Variants in NARF observed in about 807,000 individuals in gnomAD.
NARF encodes the protein nuclear prelamin A recognition factor, also known as iron-only hydrogenase-like protein 2.
NARF carries 41 observed loss-of-function variants against 48.0 expected under a neutral mutation model. The observed-to-expected ratio is 0.85, with a 90% CI of 0.66 to 1.11. The LOEUF (loss-of-function observed/expected upper bound fraction) is 1.11. NARF is among the 50% of genes least tolerant of loss of function. The pLI is 0.00. For missense variants in NARF, 613 were observed against 590.2 expected (o/e 1.04, Z -0.40); for synonymous variants, 215 against 225.5 (o/e 0.95, Z 0.42).
Position 82,460,021 on chromosome 17 carries a change from C to T in NARF, c.57C>T (p.Asp19=). The T allele has an allele frequency of 6.2e-7, 1 of 1,613,692 alleles. No individual in the cohort carries two copies. Among genetic ancestry groups the T allele is most frequent in the African/African-American group, 1.3e-5 (1 of 74,988 alleles). ...KECSKKTKTD[D]QENVSADAPS... is the part of the protein sequence containing the mutation. Reference sequence around the variant, plus strand: ...GTAGTAAGAAAACAAAAACTGATGACCAAGAGAATGTGTCAGCCGATGCAC... The same window carrying T: ...GTAGTAAGAAAACAAAAACTGATGATCAAGAGAATGTGTCAGCCGATGCAC... Residue 19 remains aspartate, a synonymous_variant, in exon 2 of 11, where the codon GAC becomes GAT. Transcript: ENST00000309794.
At chr17:82,480,949 AG>A (rs5822534) in intron 6 of NARF, 132 bp from the exon 7 acceptor site, 54,929 of 924,234 alleles carry the variant, frequency 0.059, 1,372 homozygotes, top group Admixed American at 0.13. Context: ...AAAAAAAAAA[AG>A]AGTGCAGCAT....
chr17:82,466,860 C>T (rs2043582237), intron 3 of NARF, among the ~76,000 whole-genome samples: 1 of 151,776 alleles, frequency 6.6e-6, no homozygotes, highest in Admixed American at 6.6e-5. Context: ...GATAGATGTG[C>T]ATCCATTTGT....
At position 82,484,592 on chromosome 17, in the gene NARF, G is replaced by A. The variant is rs140972386; in HGVS notation, c.834-221G>A. The A allele has an allele frequency of 2.0e-4, 92 of 458,908 alleles. 2 individuals are homozygous for A. The Admixed American group carries it at 2.6e-3, about 13-fold the overall frequency. 28.4% of individuals were successfully genotyped at this position (458,908 alleles called of 1,614,324 possible). A position where few individuals can be genotyped will look rare whatever the true frequency, so the allele number is the denominator to read the frequency against. ...GCAAGAGCCTGTGCATGGGCTCGGC[G>A]TGACTGAGAGTCCTCCGCCTTGCCC... On this transcript the variant is annotated intron_variant, in intron 8 of 10. Coordinates refer to ENST00000309794, the MANE Select transcript of NARF (RefSeq NM_012336.4).
Position 82,483,757 on chromosome 17 carries a change from A to G in NARF, c.811A>G (p.Arg271Gly). The change falls in exon 8 of 11, where the codon AGA (arginine) becomes GGA (glycine). Residue 271 changes from arginine (R) to glycine (G), a missense_variant. Arg to Gly is a moderately radical substitution (Grantham distance 125). Transcript: ENST00000309794. ...AATGGAGCAAGGTGACCTCTCAGTG[A>G]GAGATGCTGCCGTCGACACTCTGTA... Reference protein sequence around the residue: ...QIMEQGDLSVRDAAVDTLFGD... With the variant: ...QIMEQGDLSVGDAAVDTLFGD... 1 of 1,613,822 alleles carries G rather than the reference A, an allele frequency of 6.2e-7. No homozygotes were observed. Among genetic ancestry groups the G allele is most frequent in the Non-Finnish European group, 8.5e-7 (1 of 1,179,986 alleles).
At chr17:82,480,876 G>T in intron 6 of NARF, 1 of 614,354 alleles carries the variant, frequency 1.6e-6, no homozygotes, top group South Asian at 2.0e-5. Flanking sequence ...AGTTTGCAGT[G>T]AGCTGAGATC....
At chr17:82,461,677 T>C (rs1388515788) in intron 2 of NARF, among the ~76,000 whole-genome samples, 1 of 152,246 alleles carries the variant, frequency 6.6e-6, no homozygotes, top group East Asian at 1.9e-4. Flanking sequence ...CATGTAAGCC[T>C]GGCCATTATC....
intron 4 of NARF, among the ~76,000 whole-genome samples, chr17:82,471,161 G>C (rs7213659): frequency 0.47 from 65,530 of 138,118 alleles, 15,799 homozygotes; most frequent in East Asian, 0.9. Flanking sequence ...ATGACTGTCT[G>C]AAAAAAAAAA....
intron 2 of NARF, chr17:82,464,025 G>C: frequency 2.4e-6 from 1 of 417,404 alleles, no homozygotes; most frequent in South Asian, 4.2e-5. Flanking sequence ...ACGTGACAGT[G>C]CTAGGGCTGG....
chr17:82,469,592 GTTGTTTGTTTGT>G (rs567739106), intron 4 of NARF, among the ~76,000 whole-genome samples: 2 of 151,728 alleles, frequency 1.3e-5, no homozygotes, highest in African/African-American at 2.4e-5. Flanking sequence ...GGTTTTTTTT[GTTGTTTGTTTGT>G]TTGTTTGTTT....
chr17:82,482,084 G>A, intron 7 of NARF: 2 of 297,276 alleles, frequency 6.7e-6, no homozygotes, highest in Non-Finnish European at 1.3e-5. Flanking sequence ...GACATCAGTT[G>A]GTGGGGGAAG....
At chr17:82,465,125 A>G (rs1371519495) in intron 3 of NARF, among the ~76,000 whole-genome samples, 1 of 152,152 alleles carries the variant, frequency 6.6e-6, no homozygotes, top group East Asian at 1.9e-4. Context: ...ACGTGGCAGC[A>G]GGAGAGAGCA....
intron 5 of NARF, 181 bp from the exon 6 acceptor site, chr17:82,478,619 C>A (rs986661581): frequency 4.4e-6 from 3 of 688,708 alleles, no homozygotes; most frequent in Non-Finnish European, 7.9e-6. Context: ...TTCCCATGAC[C>A]CACAGCCGGG....
chr17:82,481,005 C>G lies in NARF; in HGVS notation c.640-77C>G, dbSNP rs180776174. 1.0e-5 allele frequency: 16 copies of G among 1,588,584 alleles called. No individual in the cohort carries two copies. In the African/African-American group the frequency reaches 1.5e-4, roughly 15 times the overall value. ...AGCAGGGGGCATTCGGTCTCCCATC[C>G]CTCTTGTTCTGGGCACCAAGCGTAA... On this transcript the variant is annotated intron_variant, in intron 6 of 10. Transcript: ENST00000309794.
chr17:82,485,525 G>T lies in NARF; in HGVS notation c.1000G>T (p.Glu334Ter). 1 of 1,614,260 alleles carries T rather than the reference G, an allele frequency of 6.2e-7. No homozygotes were observed. The highest frequency in any genetic ancestry group is 8.5e-7 in the Non-Finnish European group (1 of 1,180,054). Residue 334 changes from glutamate to a stop codon, truncating the protein, a stop_gained, in exon 10 of 11, where the codon GAG becomes TAG. Transcript: ENST00000309794. LOFTEE classifies it high-confidence loss of function. ...CAAAGACTTCCAAGAGGTCACCCTT[G>T]AGAAGAACGGAGAGGTGGTGTTACG... Reference protein sequence around the residue: ...RNKDFQEVTLEKNGEVVLRFA... With the variant: ...RNKDFQEVTL
chr17:82,487,520 G>A (rs2143974255), intron 10 of NARF, among the ~76,000 whole-genome samples: 1 of 151,906 alleles, frequency 6.6e-6, no homozygotes, highest in African/African-American at 2.4e-5. Context: ...GGCACACGGG[G>A]CTGTGAGTCT....
intron 5 of NARF, among the ~76,000 whole-genome samples, chr17:82,474,739 C>T (rs1458773237): frequency 1.3e-5 from 2 of 152,154 alleles, no homozygotes; most frequent in Admixed American, 1.3e-4. Flanking sequence ...TACTCTCTAG[C>T]CATTTATAAA....
chr17:82,480,337 C>T (rs949995797), intron 6 of NARF: 2 of 401,420 alleles, frequency 5.0e-6, no homozygotes, highest in Admixed American at 8.8e-5. Flanking sequence ...TGCAATGGCT[C>T]CATGCTGGAC....
intron 5 of NARF, among the ~76,000 whole-genome samples, chr17:82,474,114 G>A (rs2043778690): frequency 6.6e-6 from 1 of 152,196 alleles, no homozygotes. Context: ...CAAGGAGTTA[G>A]AGGCTGCAGT....
At chr17:82,471,567 C>T (rs1208934634) in intron 4 of NARF, among the ~76,000 whole-genome samples, 43 of 148,836 alleles carry the variant, frequency 2.9e-4, no homozygotes, top group African/African-American at 9.9e-4. Flanking sequence ...CCGAGGCGGG[C>T]GGATCACGAG....
Sources: allele counts gnomAD v4.1 joint callset (sites outside exome capture counted in the v4.1 genomes callset), GRCh38; gene constraint gnomAD v4.1.1; transcripts MANE v1.5; gene names NCBI Gene and HGNC (gene_info 2026-07-23, HGNC 2026-07-21).